The following LDLRAD4 variants were observed in gnomAD, a reference collection of about 807,000 sequenced individuals.
LDLRAD4 encodes low-density lipoprotein receptor class A domain-containing protein 4.
Under a neutral mutation model 17.0 loss-of-function variants are expected in LDLRAD4, and 5 were observed. The observed-to-expected ratio is 0.29, with a 90% CI of 0.15 to 0.62. The LOEUF (loss-of-function observed/expected upper bound fraction) is 0.62, where lower values mean the gene tolerates loss of function less well. Among genes scored for constraint, LDLRAD4 ranks in the 20% least tolerant of loss-of-function variants. The pLI is 0.84. For missense variants in LDLRAD4, 340 were observed against 424.7 expected, an observed-to-expected ratio of 0.80 and a Z score of 1.75; for synonymous variants, 168 against 171.8, an observed-to-expected ratio of 0.98 and a Z score of 0.17.
chr18:13,406,473 AC>A (rs1289371548), intron 2 of LDLRAD4, among the ~76,000 whole-genome samples: 1 of 152,296 alleles, frequency 6.6e-6, no homozygotes, highest in East Asian at 1.9e-4. Context: ...CAGAACACCA[AC>A]ACGAGGATAT....
chr18:13,351,106 T>G (rs1466063176), intron 1 of LDLRAD4, among the ~76,000 whole-genome samples: 1 of 152,204 alleles, frequency 6.6e-6, no homozygotes, highest in Non-Finnish European at 1.5e-5. Flanking sequence ...TTGTCTTGGC[T>G]ATATAGGATC....
chr18:13,268,943 T>C (rs2044370346), intron 1 of LDLRAD4, among the ~76,000 whole-genome samples: 1 of 152,252 alleles, frequency 6.6e-6, no homozygotes, highest in Non-Finnish European at 1.5e-5. Context: ...GTCTTCCAAC[T>C]TTTTACCCTG....
At chr18:13,405,666 A>G (rs2087667407) in intron 2 of LDLRAD4, among the ~76,000 whole-genome samples, 1 of 144,926 alleles carries the variant, frequency 6.9e-6, no homozygotes, top group Admixed American at 7.1e-5. Flanking sequence ...TTGAACTCCT[A>G]GCCTTAAGCA....
Position 13,511,487 on chromosome 18 carries a change from G to T in LDLRAD4, c.181+73103G>T, listed in dbSNP as rs551285574. ...AGATCGTGCCACTGCACTCCAGCCTGGGTGACAGAGTGAGACTCCGTCTCA... is the reference window on the plus strand; with the variant it reads ...AGATCGTGCCACTGCACTCCAGCCTTGGTGACAGAGTGAGACTCCGTCTCA... On this transcript the variant is annotated intron_variant, in intron 3 of 5. Coordinates refer to ENST00000359446, the Ensembl canonical transcript of LDLRAD4. Among the ~76,000 whole-genome samples, 6 of 152,322 alleles carry T rather than the reference G, an allele frequency of 3.9e-5. No individual in the cohort carries two copies. The South Asian group carries it at 1.2e-3, about 32-fold the overall frequency.
At chr18:13,648,335 A>G (rs2043094421) in exon 6 of LDLRAD4, 1 of 152,234 alleles carries the variant, frequency 6.6e-6, no homozygotes, top group Non-Finnish European at 1.5e-5. Context: ...CAACCACCCT[A>G]GAGAACTGCC....
At chr18:13,517,822 T>C (rs2093891490) in intron 3 of LDLRAD4, among the ~76,000 whole-genome samples, 1 of 152,188 alleles carries the variant, frequency 6.6e-6, no homozygotes. Context: ...CACTGCAAGC[T>C]CTGCCTCCCG....
intron 3 of LDLRAD4, among the ~76,000 whole-genome samples, chr18:13,600,861 A>G (rs866008597): frequency 1.3e-5 from 2 of 152,208 alleles, no homozygotes; most frequent in African/African-American, 2.4e-5. Context: ...CATTCCTTCT[A>G]TGAGGACTCT....
At chr18:13,288,345 A>G (rs758488399) in intron 1 of LDLRAD4, among the ~76,000 whole-genome samples, 1 of 152,226 alleles carries the variant, frequency 6.6e-6, no homozygotes, top group Non-Finnish European at 1.5e-5. Context: ...TATCTGTTTA[A>G]AGGACACGTG....
chr18:13,602,493 A>ATTTTTTTTTTTTTTTTTTTTTTTT (rs36122294), intron 3 of LDLRAD4, among the ~76,000 whole-genome samples: 1 of 95,022 alleles, frequency 1.1e-5, no homozygotes. Flanking sequence ...ATGGCATTTA[A>ATTTTTTTTTTTTTTTTTTTTTTTT]TTTTTTTTTT....
At chr18:13,326,165 G>T (rs2081524627) in intron 1 of LDLRAD4, among the ~76,000 whole-genome samples, 1 of 152,116 alleles carries the variant, frequency 6.6e-6, no homozygotes, top group South Asian at 2.1e-4. Flanking sequence ...CAGCTTTAGG[G>T]TGCATCTGGA....
At chr18:13,607,072 A>AG (rs2095232019) in intron 3 of LDLRAD4, among the ~76,000 whole-genome samples, 2 of 152,224 alleles carry the variant, frequency 1.3e-5, no homozygotes, top group South Asian at 4.1e-4. Flanking sequence ...GGTTAGTTTC[A>AG]GTGGTTGCTA....
intron 1 of LDLRAD4, among the ~76,000 whole-genome samples, chr18:13,363,508 C>G (rs1303590932): frequency 2.6e-5 from 4 of 152,130 alleles, no homozygotes; most frequent in African/African-American, 9.7e-5. Context: ...CCAAAAAGAG[C>G]TTTGTCTAAA....
intron 3 of LDLRAD4, among the ~76,000 whole-genome samples, chr18:13,517,002 G>A (rs989841087): frequency 1.3e-5 from 2 of 152,084 alleles, no homozygotes; most frequent in Non-Finnish European, 2.9e-5. Context: ...GGCACATGCT[G>A]CCACACCCGG....
At chr18:13,519,890 G>T (rs983690865) in intron 3 of LDLRAD4, 1 of 152,172 alleles carries the variant, frequency 6.6e-6, no homozygotes, top group African/African-American at 2.4e-5. Flanking sequence ...CAAATTTTCT[G>T]AGGATATTTT....
At chr18:13,467,497 A>C (rs140884761) in intron 3 of LDLRAD4, among the ~76,000 whole-genome samples, 3 of 152,372 alleles carry the variant, frequency 2.0e-5, no homozygotes, top group African/African-American at 7.2e-5. Flanking sequence ...AAATTAAAGA[A>C]TACCTAATTA....
At chr18:13,612,760 T>A in intron 3 of LDLRAD4, 1 of 1,614,028 alleles carries the variant, frequency 6.2e-7, no homozygotes, top group Non-Finnish European at 8.5e-7. Flanking sequence ...TTCAAAGACC[T>A]GTTCTTAAAA....
At position 13,288,480 on chromosome 18, in the gene LDLRAD4, A is replaced by G. The variant is rs2045761576; in HGVS notation, c.-383+10292A>G. Among the ~76,000 whole-genome samples, 3 of 152,258 alleles carry G rather than the reference A, an allele frequency of 2.0e-5. No individual in the cohort carries two copies. The South Asian group carries it at 6.2e-4, about 32-fold the overall frequency. On this transcript the variant is annotated intron_variant, in intron 1 of 5. Transcript: ENST00000359446. ...CCAGATACACAACTTTGGCTATTTC[A>G]AGTTAAAATATTGCTGAAAAATTCT... is the stretch of plus-strand genomic sequence containing the variant.
At chr18:13,342,315 T>A (rs1021622812) in intron 1 of LDLRAD4, among the ~76,000 whole-genome samples, 3 of 151,966 alleles carry the variant, frequency 2.0e-5, no homozygotes, top group African/African-American at 7.2e-5. Flanking sequence ...ATTATGTTAA[T>A]CCTTCTTAAA....
chr18:13,344,259 A>G (rs923040640), intron 1 of LDLRAD4, among the ~76,000 whole-genome samples: 3 of 152,192 alleles, frequency 2.0e-5, no homozygotes, highest in African/African-American at 7.2e-5. Flanking sequence ...TAATTTTTGT[A>G]TAAGGTGTAA....
Sources: gnomAD v4.1 joint callset for allele counts (sites outside exome capture counted in the v4.1 genomes callset) on GRCh38, gnomAD v4.1.1 for gene constraint, MANE v1.5 for transcripts, NCBI Gene and HGNC (gene_info 2026-07-23, HGNC 2026-07-21) for gene names.